The following ADAMTS9 variants were observed in gnomAD, a reference collection of about 807,000 sequenced individuals.
The protein encoded by ADAMTS9 is ADAM metallopeptidase with thrombospondin type 1 motif 9, also known as A disintegrin and metalloproteinase with thrombospondin motifs 9.
Under a neutral mutation model 257.1 loss-of-function variants are expected in ADAMTS9, and 107 were observed. The observed-to-expected ratio is 0.42, with a 90% CI of 0.36 to 0.49. The LOEUF (loss-of-function observed/expected upper bound fraction) is 0.49. Ranked by LOEUF, ADAMTS9 falls within the 20% of genes least tolerant of loss-of-function variation. ADAMTS9 has a pLI of 0.03. For synonymous variants in ADAMTS9, 982 were observed against 880.9 expected (o/e 1.11, Z -2.03); for missense variants, 2,353 against 2,469.1 (o/e 0.95, Z 1.00).
chr3:64,567,822 G>A (rs961571835), intron 29 of ADAMTS9, among the ~76,000 whole-genome samples: 12 of 151,722 alleles, frequency 7.9e-5, no homozygotes, highest in Admixed American at 7.2e-4. Context: ...CGTCATAAGA[G>A]CCATGTGTAG....
intron 3 of ADAMTS9, among the ~76,000 whole-genome samples, chr3:64,671,997 A>G (rs918725656): frequency 6.6e-6 from 1 of 152,206 alleles, no homozygotes; most frequent in Admixed American, 6.5e-5. Context: ...ATCCCCTCAT[A>G]TGAAGAAACT....
chr3:64,675,992 A>T (rs144842373), intron 3 of ADAMTS9, among the ~76,000 whole-genome samples: 1 of 152,286 alleles, frequency 6.6e-6, no homozygotes, highest in East Asian at 1.9e-4. Flanking sequence ...AAGTGATGGT[A>T]CCTTCTAATG....
intron 3 of ADAMTS9, 27 bp downstream of exon 3, chr3:64,681,174 C>A (rs746890564): frequency 1.9e-6 from 3 of 1,601,914 alleles, no homozygotes; most frequent in East Asian, 2.2e-5. Context: ...AAGAGCTGGG[C>A]TCTCCGCTTA....
At chr3:64,543,902 T>G (rs545519600) in intron 32 of ADAMTS9, among the ~76,000 whole-genome samples, 5 of 152,230 alleles carry the variant, frequency 3.3e-5, no homozygotes, top group African/African-American at 1.2e-4. Flanking sequence ...CTTAAGCTGA[T>G]AAGCAACTTC....
At chr3:64,563,848 C>G (rs2106658982) in intron 29 of ADAMTS9, among the ~76,000 whole-genome samples, 1 of 152,306 alleles carries the variant, frequency 6.6e-6, no homozygotes, top group Admixed American at 6.5e-5. Context: ...AATCTTTGCT[C>G]AAAATGAGGT....
At chr3:64,678,556 T>C (rs957920297) in intron 3 of ADAMTS9, among the ~76,000 whole-genome samples, 7 of 152,150 alleles carry the variant, frequency 4.6e-5, no homozygotes, top group African/African-American at 1.4e-4. Context: ...GCTCCCAGAG[T>C]ACTTCTAAAG....
intron 38 of ADAMTS9, among the ~76,000 whole-genome samples, chr3:64,525,550 A>T (rs1027469070): frequency 2.0e-5 from 3 of 152,146 alleles, no homozygotes; most frequent in Non-Finnish European, 4.4e-5. Flanking sequence ...GGATAATCTC[A>T]TTTTAAAAAA....
chr3:64,541,780 G>C (rs1405657592), intron 33 of ADAMTS9, 58 bp downstream of exon 33: 12 of 1,601,382 alleles, frequency 7.5e-6, no homozygotes, highest in Middle Eastern at 1.7e-4. Context: ...GCAATCAAAT[G>C]AACAAAGACA....
chr3:64,541,313 C>G lies in ADAMTS9; in HGVS notation c.5387+7G>C. Reference sequence around the variant, plus strand: ...CCTCTGAGATCTTCTGAGCCTGGCTCTCCTACCTGTGCCCATAAACCTCGG... The same window carrying G: ...CCTCTGAGATCTTCTGAGCCTGGCTGTCCTACCTGTGCCCATAAACCTCGG... On this transcript the variant is annotated splice_region_variant and intron_variant, in intron 35 of 39. Coordinates refer to ENST00000498707, the MANE Select transcript of ADAMTS9 (RefSeq NM_182920.2). 6.2e-7 allele frequency: 1 copy of G among 1,614,134 alleles called. No individual in the cohort carries two copies. The highest frequency in any genetic ancestry group is 8.5e-7 in the Non-Finnish European group (1 of 1,179,990).
At chr3:64,620,927 A>G (rs746429291) in intron 19 of ADAMTS9, among the ~76,000 whole-genome samples, 187 bp downstream of exon 19, 1 of 152,222 alleles carries the variant, frequency 6.6e-6, no homozygotes, top group Non-Finnish European at 1.5e-5. Context: ...GGTGAACAAG[A>G]AATCTGCACA....
intron 16 of ADAMTS9, among the ~76,000 whole-genome samples, chr3:64,630,143 G>A (rs1700331891): frequency 8.1e-6 from 1 of 124,122 alleles, no homozygotes; most frequent in African/African-American, 3.4e-5. Flanking sequence ...CGGCTGGGAA[G>A]AGTTTTGTGT....
intron 26 of ADAMTS9, among the ~76,000 whole-genome samples, chr3:64,601,037 T>C (rs988955934): frequency 3.3e-5 from 5 of 152,148 alleles, no homozygotes; most frequent in Non-Finnish European, 7.4e-5. Flanking sequence ...CCATTTAACA[T>C]GTCTGGTATT....
In ADAMTS9 at chr3:64,687,672, C is replaced by G. The variant is rs1403770330; in HGVS notation, c.-15G>C. 7 of 1,495,196 alleles carry G rather than the reference C, an allele frequency of 4.7e-6. No homozygotes were observed. In the Admixed American group the frequency reaches 1.0e-4, roughly 22 times the overall value. The allele number at this position is 1,495,196 out of a possible 1,614,324, so 92.6% of individuals were successfully genotyped here. A position where few individuals can be genotyped will look rare whatever the true frequency, so the allele number is the denominator to read the frequency against. On this transcript the variant is annotated 5_prime_UTR_variant, in exon 1 of 40. Transcript: ENST00000498707. This position sits in a 1 kb window ranked among gnomAD's most constrained non-coding sequence, Gnocchi z 4.4. ...ACAAACTGCATGGTGCTTCCCACCC[C>G]TCCCTCCGCTGCCCCCACCCCCCTC...
chr3:64,522,206 A>T lies in ADAMTS9; in HGVS notation c.5773T>A (p.Ser1925Thr), dbSNP rs1235189677. The change falls in exon 39 of 40, where the codon TCC becomes ACC. Residue 1925 changes from serine (S) to threonine (T), a missense_variant. Around this residue, in one of 3 missense-constraint regions of ADAMTS9, gnomAD observed 1,402 missense variants for 1,441.4 expected, o/e 0.97. Transcript: ENST00000498707. The stretch of plus-strand genomic sequence containing the variant: ...CGCACCTCCAGGCCAGTACCAGAGG[A>T]TGGAGTGCATTTTCCACAGTAACCA... The part of the protein sequence containing the change: ...CGGYCGKCTP[S>T]SGTGLEVRVL The T allele has an allele frequency of 8.1e-6, 13 of 1,613,936 alleles. No homozygotes were observed. The highest frequency in any genetic ancestry group is 1.1e-5 in the Non-Finnish European group (13 of 1,179,946).
chr3:64,657,751 T>G (rs1701116821), intron 4 of ADAMTS9, among the ~76,000 whole-genome samples: 1 of 152,200 alleles, frequency 6.6e-6, no homozygotes, highest in African/African-American at 2.4e-5. Context: ...ATGTTTCTAT[T>G]GGGCAGTGCT....
At chr3:64,604,198 C>T (rs2084517368) in intron 24 of ADAMTS9, 29 bp downstream of exon 24, 2 of 1,603,786 alleles carry the variant, frequency 1.2e-6, no homozygotes, top group South Asian at 2.2e-5. Context: ...CCATCCTGCC[C>T]TCCCCATTTC....
Position 64,658,728 on chromosome 3 carries a change from A to G in ADAMTS9, c.743T>C (p.Ile248Thr). The G allele has an allele frequency of 6.2e-7, 1 of 1,614,146 alleles. No individual in the cohort carries two copies. Among genetic ancestry groups the G allele is most frequent in the Non-Finnish European group, 8.5e-7 (1 of 1,180,034 alleles). ...KTRARKWGER[I>T]NLAGDVAALN... Reference sequence around the variant, plus strand: ...TGCTGCTACGTCACCAGCCAGGTTAATCCTTTCTCCCCATTTTCTTGCTCT... The same window carrying G: ...TGCTGCTACGTCACCAGCCAGGTTAGTCCTTTCTCCCCATTTTCTTGCTCT... Residue 248 changes from isoleucine (I) to threonine (T), a missense_variant, in exon 4 of 40, where the codon ATT (isoleucine) becomes ACT (threonine). Coordinates refer to ENST00000498707, the MANE Select transcript of ADAMTS9 (RefSeq NM_182920.2).
chr3:64,656,874 C>T (rs1361459479), intron 4 of ADAMTS9, among the ~76,000 whole-genome samples: 1 of 152,048 alleles, frequency 6.6e-6, no homozygotes, highest in Admixed American at 6.5e-5. Context: ...AACCCTAAAG[C>T]TATGCCCAAA....
chr3:64,532,032 C>A (rs987172356), intron 38 of ADAMTS9, among the ~76,000 whole-genome samples: 1 of 152,208 alleles, frequency 6.6e-6, no homozygotes, highest in Admixed American at 6.5e-5. Context: ...CAGGTCCCCC[C>A]ACCCTTAGAG....
Sources: gnomAD v4.1 joint callset for allele counts (sites outside exome capture counted in the v4.1 genomes callset) on GRCh38, gnomAD v4.1.1 for gene constraint, gnomAD v4.1.1 regional missense constraint, Gnocchi (gnomAD v3.1) non-coding constraint, MANE v1.5 for transcripts, NCBI Gene and HGNC (gene_info 2026-07-23, HGNC 2026-07-21) for gene names.